Variants in KCNS3 observed in about 807,000 individuals in gnomAD.
The protein encoded by KCNS3 is delayed-rectifier potassium channel regulatory subunit KCNS3.
Under a neutral mutation model 31.0 loss-of-function variants are expected in KCNS3, and 13 were observed. The ratio of observed to expected loss-of-function variants is 0.42; its 90% CI spans 0.27 to 0.67. The LOEUF (loss-of-function observed/expected upper bound fraction) is 0.67. KCNS3 is among the 30% of genes least tolerant of loss of function. KCNS3 has a pLI of 0.25. For missense variants in KCNS3, 545 were observed against 622.4 expected, an observed-to-expected ratio of 0.88 and a Z score of 1.32; for synonymous variants, 238 against 241.5, an observed-to-expected ratio of 0.99 and a Z score of 0.13.
At chr2:17,898,319 T>A (rs190208024) in intron 1 of KCNS3, among the ~76,000 whole-genome samples, 1 of 151,626 alleles carries the variant, frequency 6.6e-6, no homozygotes, top group African/African-American at 2.4e-5. Flanking sequence ...AATTTCAAAG[T>A]AGTTTTGTCT....
intron 2 of KCNS3, among the ~76,000 whole-genome samples, chr2:17,929,410 G>A (rs1662906424): frequency 6.6e-6 from 1 of 152,172 alleles, no homozygotes; most frequent in Admixed American, 6.5e-5. Context: ...AGTGAAGGGG[G>A]AGATGCTACA....
intron 1 of KCNS3, among the ~76,000 whole-genome samples, chr2:17,902,111 T>A (rs906710889): frequency 8.5e-5 from 13 of 152,280 alleles, no homozygotes; most frequent in African/African-American, 3.1e-4. Flanking sequence ...CAAATGGTGT[T>A]AGTGAATTGC....
intron 1 of KCNS3, among the ~76,000 whole-genome samples, chr2:17,890,732 G>C (rs930469501): frequency 6.6e-6 from 1 of 152,126 alleles, no homozygotes; most frequent in Non-Finnish European, 1.5e-5. Context: ...TATTTGCATG[G>C]TTTTGAAGTT....
chr2:17,918,555 C>T (rs1662641114), intron 2 of KCNS3, among the ~76,000 whole-genome samples: 1 of 152,170 alleles, frequency 6.6e-6, no homozygotes, highest in Admixed American at 6.5e-5. Flanking sequence ...TTTAATTTTG[C>T]CATGCCTGTT....
chr2:17,923,576 A>AT (rs1662770365), intron 2 of KCNS3, among the ~76,000 whole-genome samples: 1 of 151,672 alleles, frequency 6.6e-6, no homozygotes, highest in African/African-American at 2.4e-5. Flanking sequence ...ATTTATGTTA[A>AT]TTTTTTTTCT....
intron 1 of KCNS3, among the ~76,000 whole-genome samples, chr2:17,899,068 A>G (rs971530568): frequency 6.6e-6 from 1 of 152,118 alleles, no homozygotes; most frequent in Non-Finnish European, 1.5e-5. Flanking sequence ...ACCACTAAAA[A>G]TACAAGAATT....
chr2:17,887,503 C>CTATCTATCTATCTATCTAT (rs1376997408), intron 1 of KCNS3, among the ~76,000 whole-genome samples: 8 of 151,730 alleles, frequency 5.3e-5, no homozygotes, highest in African/African-American at 1.9e-4. Context: ...ATCTATCTAT[C>CTATCTATCTATCTATCTAT]TATCTATCTA....
At chr2:17,901,797 A>T (rs1662181738) in intron 1 of KCNS3, among the ~76,000 whole-genome samples, 1 of 152,162 alleles carries the variant, frequency 6.6e-6, no homozygotes, top group Admixed American at 6.5e-5. Context: ...GCCAACATTT[A>T]AAAAATTGGG....
At chr2:17,903,447 C>CATTTT (rs529682832) in intron 1 of KCNS3, among the ~76,000 whole-genome samples, 5 of 151,938 alleles carry the variant, frequency 3.3e-5, no homozygotes, top group Admixed American at 6.6e-5. Flanking sequence ...GGGTTATTGA[C>CATTTT]ATTTTATTTT....
intron 1 of KCNS3, among the ~76,000 whole-genome samples, chr2:17,883,124 T>C (rs1470686225): frequency 6.6e-6 from 1 of 152,202 alleles, no homozygotes; most frequent in East Asian, 1.9e-4. Flanking sequence ...AGTTAAGCAG[T>C]TAATGTTGGC....
chr2:17,886,756 C>T (rs1416346764), intron 1 of KCNS3, among the ~76,000 whole-genome samples: 1 of 151,790 alleles, frequency 6.6e-6, no homozygotes, highest in African/African-American at 2.4e-5. Flanking sequence ...ATCCATCCAT[C>T]CATCCATCCA....
intron 1 of KCNS3, among the ~76,000 whole-genome samples, chr2:17,882,993 G>A (rs1262475101): frequency 1.3e-5 from 2 of 152,092 alleles, no homozygotes; most frequent in Non-Finnish European, 2.9e-5. Flanking sequence ...CATTCTCTTT[G>A]GAATCCTGCA....
At chr2:17,904,892 G>T (rs929469419) in intron 1 of KCNS3, among the ~76,000 whole-genome samples, 20 of 152,094 alleles carry the variant, frequency 1.3e-4, no homozygotes, top group Middle Eastern at 3.2e-3. Context: ...GTCAGGTAGC[G>T]TGATGCCTCC....
intron 1 of KCNS3, among the ~76,000 whole-genome samples, chr2:17,898,603 T>C (rs1443508538): frequency 6.6e-6 from 1 of 152,180 alleles, no homozygotes; most frequent in African/African-American, 2.4e-5. Context: ...AGAACCCTAA[T>C]AGATGTAGGA....
chr2:17,893,940 GTTTTTTT>G (rs5829612), intron 1 of KCNS3, among the ~76,000 whole-genome samples: 21,514 of 98,916 alleles, frequency 0.22, 2,234 homozygotes, highest in Middle Eastern at 0.31. Flanking sequence ...CCAGGAGCCA[GTTTTTTT>G]TTTTTTTTTT....
chr2:17,902,614 A>AG (rs1487872558), intron 1 of KCNS3, among the ~76,000 whole-genome samples: 1 of 152,170 alleles, frequency 6.6e-6, no homozygotes, highest in East Asian at 1.9e-4. Flanking sequence ...GATCTTTACT[A>AG]GTGTTAAATG....
chr2:17,902,575 A>G (rs1662206503), intron 1 of KCNS3, among the ~76,000 whole-genome samples: 2 of 152,212 alleles, frequency 1.3e-5, no homozygotes, highest in African/African-American at 4.8e-5. Context: ...CTTTTTATAC[A>G]TCTATGCGAA....
At chr2:17,911,448 A>G (rs1265354787) in intron 1 of KCNS3, among the ~76,000 whole-genome samples, 1 of 152,226 alleles carries the variant, frequency 6.6e-6, no homozygotes, top group African/African-American at 2.4e-5. Context: ...CTCTGCCCAG[A>G]TGCTGACTGG....
Position 17,909,483 on chromosome 2 carries a change from G to C in KCNS3, c.-251-8197G>C, listed in dbSNP as rs147679665. Among the ~76,000 whole-genome samples, 40 of 152,218 alleles carry C rather than the reference G, an allele frequency of 2.6e-4. No homozygotes were observed. The South Asian group carries it at 7.1e-3, about 27-fold the overall frequency. ...CACTGTCCTGCCCCCACTGTCTGAC[G>C]AGCCCCAGTGAGATGAACCCGGTAC... On this transcript the variant is annotated intron_variant, in intron 1 of 2. Coordinates refer to ENST00000304101, the MANE Select transcript of KCNS3 (RefSeq NM_002252.5).
Sources: allele counts gnomAD v4.1 joint callset (sites outside exome capture counted in the v4.1 genomes callset), GRCh38; gene constraint gnomAD v4.1.1; transcripts MANE v1.5; gene names NCBI Gene and HGNC (gene_info 2026-07-23, HGNC 2026-07-21).